The following TFEB variants were observed in gnomAD, a reference collection of about 807,000 sequenced individuals.
The protein encoded by TFEB is T-cell transcription factor EB.
Under a neutral mutation model 48.0 loss-of-function variants are expected in TFEB, and 12 were observed. That is an observed-to-expected ratio of 0.25 (90% CI 0.16 to 0.40). The LOEUF (loss-of-function observed/expected upper bound fraction) is 0.40, where lower values mean the gene tolerates loss of function less well. Among genes scored for constraint, TFEB ranks in the 10% least tolerant of loss-of-function variants. TFEB has a pLI of 1.00. For missense variants in TFEB, 509 were observed against 640.3 expected, an observed-to-expected ratio of 0.79 and a Z score of 2.21; for synonymous variants, 244 against 261.4, an observed-to-expected ratio of 0.93 and a Z score of 0.64.
chr6:41,727,559 G>T (rs1156388241), intron 1 of TFEB, among the ~76,000 whole-genome samples: 1 of 152,184 alleles, frequency 6.6e-6, no homozygotes, highest in African/African-American at 2.4e-5. Flanking sequence ...AGGTGTAGTG[G>T]CACGTGCCTC....
In TFEB at chr6:41,684,409, T is replaced by A. The variant is rs927286401; in HGVS notation, c.*190A>T. 18 of 601,892 alleles carry A rather than the reference T, an allele frequency of 3.0e-5. No individual in the cohort carries two copies. In the African/African-American group the frequency reaches 3.5e-4, roughly 12 times the overall value. The allele number at this position is 601,892 out of a possible 1,614,324, so 37.3% of individuals were successfully genotyped here. ...ACTGCGCCAGTCAAGAGGGCTGCCC[T>A]GGGGGTGCTTCTCCTGACCCCACAG... On this transcript the variant is annotated 3_prime_UTR_variant, in exon 9 of 9. Coordinates refer to ENST00000373033, the MANE Select transcript of TFEB (RefSeq NM_001271944.2).
chr6:41,729,243 ACT>A (rs974364872), intron 1 of TFEB, among the ~76,000 whole-genome samples: 5 of 147,522 alleles, frequency 3.4e-5, no homozygotes, highest in Non-Finnish European at 7.5e-5. Flanking sequence ...CCAACCATCC[ACT>A]CTCTCAAGGC....
chr6:41,719,432 A>T (rs1276060493), intron 1 of TFEB, among the ~76,000 whole-genome samples: 1 of 152,218 alleles, frequency 6.6e-6, no homozygotes, highest in Non-Finnish European at 1.5e-5. Flanking sequence ...GGTGCCAAAA[A>T]GGTTGGGGAC....
chr6:41,723,825 C>A lies in TFEB; in HGVS notation c.-23+11525G>T. The A allele has an allele frequency of 2.4e-6, 1 of 422,856 alleles. No individual in the cohort carries two copies. Among genetic ancestry groups the A allele is most frequent in the South Asian group, 1.7e-5 (1 of 59,762 alleles). 26.2% of individuals were successfully genotyped at this position (422,856 alleles called of 1,614,324 possible). On this transcript the variant is annotated intron_variant, in intron 1 of 8. Coordinates refer to ENST00000373033, the MANE Select transcript of TFEB (RefSeq NM_001271944.2). This position sits in a 1 kb window ranked among gnomAD's most constrained non-coding sequence, Gnocchi z 6.0. ...CATGGCCGCCCTGACCCCAGCCTGA[C>A]CTCAGAGGGCCCTAGGCAGATGGAG...
At chr6:41,701,912 T>C (rs1769945054) in intron 1 of TFEB, among the ~76,000 whole-genome samples, 1 of 140,528 alleles carries the variant, frequency 7.1e-6, no homozygotes, top group African/African-American at 2.8e-5. Flanking sequence ...ACCACTGCAC[T>C]CCAGCCTGGG....
intron 1 of TFEB, chr6:41,733,578 G>C: frequency 1.0e-6 from 1 of 981,966 alleles, no homozygotes; most frequent in Non-Finnish European, 1.2e-6. Context: ...TCCGGGCCCC[G>C]CGGCCAGGAG....
At chr6:41,728,221 C>T (rs2127274428) in intron 1 of TFEB, among the ~76,000 whole-genome samples, 1 of 152,366 alleles carries the variant, frequency 6.6e-6, no homozygotes, top group Non-Finnish European at 1.5e-5. Flanking sequence ...GCGGGAGAAG[C>T]TGTGATCTTG....
intron 1 of TFEB, among the ~76,000 whole-genome samples, chr6:41,701,289 C>T (rs1703281931): frequency 6.6e-6 from 1 of 152,220 alleles, no homozygotes; most frequent in South Asian, 2.1e-4. Context: ...TGTGCCCCTG[C>T]ACCCGCCTCC....
At chr6:41,688,753 G>A (rs143784033) in intron 4 of TFEB, among the ~76,000 whole-genome samples, 1 of 152,306 alleles carries the variant, frequency 6.6e-6, no homozygotes, top group East Asian at 1.9e-4. Flanking sequence ...CCTGCTAGCT[G>A]TAGGTTTGGA....
At position 41,724,595 on chromosome 6, in the gene TFEB, C is replaced by A. The variant is rs778242056; in HGVS notation, c.-23+10755G>T. The stretch of plus-strand genomic sequence containing the variant: ...AGGAGCCAGGCCTGGGTGTGCAGAG[C>A]CCCCAGGGAGGACCTCTGGCTCCCG... On this transcript the variant is annotated intron_variant, in intron 1 of 8. Transcript: ENST00000373033. The surrounding 1 kb of genome is among the most constrained non-coding windows in gnomAD (Gnocchi z 4.4). Among the ~76,000 whole-genome samples, 1 of 152,084 alleles carries A rather than the reference C, an allele frequency of 6.6e-6. No individual in the cohort carries two copies. The highest frequency in any genetic ancestry group is 1.5e-5 in the Non-Finnish European group (1 of 67,984).
chr6:41,720,515 A>G lies in TFEB; in HGVS notation c.-23+14835T>C, dbSNP rs1010990678. On this transcript the variant is annotated intron_variant, in intron 1 of 8. Coordinates refer to ENST00000373033, the MANE Select transcript of TFEB (RefSeq NM_001271944.2). The surrounding 1 kb of genome is among the most constrained non-coding windows in gnomAD (Gnocchi z 4.1). ...GCCGGTTCATCCACAATAGGTCACA[A>G]GATGGGCATCACCACCCAGGAGGCT... 2.0e-5 allele frequency: 3 copies of G among 152,368 alleles called. No individual in the cohort carries two copies. Among genetic ancestry groups the G allele is most frequent in the African/African-American group, 7.2e-5 (3 of 41,456 alleles). The allele number at this position is 152,368 out of a possible 1,614,324, so 9.4% of individuals were successfully genotyped here.
chr6:41,722,825 G>C (rs1771039081), intron 1 of TFEB, among the ~76,000 whole-genome samples: 1 of 152,198 alleles, frequency 6.6e-6, no homozygotes, highest in African/African-American at 2.4e-5. Context: ...GTGTTAACCT[G>C]TGCAGGCACT....
chr6:41,723,471 G>T lies in TFEB; in HGVS notation c.-23+11879C>A, dbSNP rs1308603959. On this transcript the variant is annotated intron_variant, in intron 1 of 8. Transcript: ENST00000373033. The surrounding 1 kb of genome is among the most constrained non-coding windows in gnomAD (Gnocchi z 6.0). ...CGTGTGCTCTCATACCTTCGAGAGGGCAGCCCCCTGGAAGGAGGCCCCTGG... is the reference window on the plus strand; with the variant it reads ...CGTGTGCTCTCATACCTTCGAGAGGTCAGCCCCCTGGAAGGAGGCCCCTGG... 2 of 1,289,110 alleles carry T rather than the reference G, an allele frequency of 1.6e-6. No individual in the cohort carries two copies. The allele number at this position is 1,289,110 out of a possible 1,614,324, so 79.9% of individuals were successfully genotyped here.
chr6:41,704,015 G>T (rs905482237), intron 1 of TFEB, among the ~76,000 whole-genome samples: 1 of 152,188 alleles, frequency 6.6e-6, no homozygotes, highest in African/African-American at 2.4e-5. Context: ...CAGGTAGGGG[G>T]TCTTGAGCCC....
Position 41,734,927 on chromosome 6 carries a change from C to T in TFEB, c.-23+423G>A. On this transcript the variant is annotated intron_variant, in intron 1 of 8. Coordinates refer to ENST00000373033, the MANE Select transcript of TFEB (RefSeq NM_001271944.2). The surrounding 1 kb of genome is among the most constrained non-coding windows in gnomAD (Gnocchi z 4.0). ...CCGACCCCCTCTCAGGCATCGCCGG[C>T]CCCAGCCGTGTCCGGTGGAGGGGGA... 1 of 985,454 alleles carries T rather than the reference C, an allele frequency of 1.0e-6. No individual in the cohort carries two copies. Among genetic ancestry groups the T allele is most frequent in the Non-Finnish European group, 1.2e-6 (1 of 829,980 alleles). 61.0% of individuals were successfully genotyped at this position (985,454 alleles called of 1,614,324 possible).
At chr6:41,700,876 A>G (rs894711740) in intron 1 of TFEB, among the ~76,000 whole-genome samples, 4 of 152,178 alleles carry the variant, frequency 2.6e-5, no homozygotes, top group African/African-American at 9.6e-5. Flanking sequence ...GGCCCGGGAC[A>G]ACAGGGGGAG....
Position 41,724,294 on chromosome 6 carries a change from C to G in TFEB, c.-23+11056G>C, listed in dbSNP as rs540963406. Among the ~76,000 whole-genome samples, 6 of 152,150 alleles carry G rather than the reference C, an allele frequency of 3.9e-5. No individual in the cohort carries two copies. Among genetic ancestry groups the G allele is most frequent in the Non-Finnish European group, 8.8e-5 (6 of 68,038 alleles). On this transcript the variant is annotated intron_variant, in intron 1 of 8. Transcript: ENST00000373033. This position sits in a 1 kb window ranked among gnomAD's most constrained non-coding sequence, Gnocchi z 4.4. Reference sequence around the variant, plus strand: ...ATTCCCATCGTTGATAAGCAAATACCCTGTATTAAGAAAGGTTAAGCTATT... The same window carrying G: ...ATTCCCATCGTTGATAAGCAAATACGCTGTATTAAGAAAGGTTAAGCTATT...
chr6:41,735,544 C>A lies in TFEB; in HGVS notation c.-217G>T, dbSNP rs1771646551. 1.0e-6 allele frequency: 1 copy of A among 984,784 alleles called. No homozygotes were observed. Among genetic ancestry groups the A allele is most frequent in the African/African-American group, 1.8e-5 (1 of 57,116 alleles). The allele number at this position is 984,784 out of a possible 1,614,324, so 61.0% of individuals were successfully genotyped here. Reference sequence around the variant, plus strand: ...CCGCGGCCGCTCCCTGCGTCCCGCCCGGGCCGCCGCCTCCGCTGTCACCGA... The same window carrying A: ...CCGCGGCCGCTCCCTGCGTCCCGCCAGGGCCGCCGCCTCCGCTGTCACCGA... On this transcript the variant is annotated 5_prime_UTR_variant, in exon 1 of 9. Coordinates refer to ENST00000373033, the MANE Select transcript of TFEB (RefSeq NM_001271944.2).
At chr6:41,716,137 T>C (rs1770725064) in intron 1 of TFEB, among the ~76,000 whole-genome samples, 2 of 152,218 alleles carry the variant, frequency 1.3e-5, no homozygotes, top group South Asian at 4.1e-4. Flanking sequence ...TCTTACTTAA[T>C]CCTCACAACA....
Sources: allele counts gnomAD v4.1 joint callset (sites outside exome capture counted in the v4.1 genomes callset), GRCh38; gene constraint gnomAD v4.1.1; non-coding constraint Gnocchi (gnomAD v3.1); transcripts MANE v1.5; gene names NCBI Gene and HGNC (gene_info 2026-07-23, HGNC 2026-07-21).